Variants in FDXACB1 observed in about 807,000 individuals in gnomAD.
The protein encoded by FDXACB1 is ferredoxin-fold anticodon binding domain containing 1.
In FDXACB1, 41 loss-of-function variants were observed where a neutral mutation model predicts 51.7. That is an observed-to-expected ratio of 0.79 (90% confidence interval 0.62 to 1.03). FDXACB1 has a LOEUF of 1.03. Ranked by LOEUF, FDXACB1 falls within the 50% of genes least tolerant of loss-of-function variation. The pLI, the probability that FDXACB1 is intolerant of heterozygous loss-of-function variation, is 0.00. For missense variants in FDXACB1, 697 were observed against 746.4 expected, an observed-to-expected ratio of 0.93 and a Z score of 0.77; for synonymous variants, 273 against 278.6, an observed-to-expected ratio of 0.98 and a Z score of 0.20.
intron 2 of FDXACB1, among the ~76,000 whole-genome samples, chr11:111,877,312 T>C (rs1010582193): frequency 9.2e-5 from 14 of 152,222 alleles, no homozygotes; most frequent in African/African-American, 3.4e-4. Flanking sequence ...TATGATTCAT[T>C]GCTTAGGCTG....
rs1555161950 is a variant in FDXACB1 at position 111,875,481 on chromosome 11, A to G, written c.1316T>C (p.Phe439Ser). The change falls in exon 5 of 5, where the codon TTT becomes TCT. Residue 439 changes from phenylalanine (F) to serine (S), a missense_variant. By Grantham distance (155) the Phe-to-Ser change is radical (BLOSUM62 -2). This residue lies in a region of FDXACB1 where 538 missense variants were observed against 592.2 expected (regional missense o/e 0.91). Transcript: ENST00000260257. Reference protein sequence around the residue: ...ESSKLSSLVKFVLQSNGKDYM... With the variant: ...ESSKLSSLVKSVLQSNGKDYM... ...ATCCTTTCCATTTGACTGAAGGACA[A>G]ATTTGACTAAACTGCTCAGCTTAGA... 1 of 1,612,630 alleles carries G rather than the reference A, an allele frequency of 6.2e-7. No homozygotes were observed.
Position 111,875,187 on chromosome 11 carries a change from A to C in FDXACB1, c.1610T>G (p.Val537Gly). The change falls in exon 5 of 5, where the codon GTG becomes GGG. Residue 537 changes from valine (V) to glycine (G), a missense_variant. Transcript: ENST00000260257. ...KSHSLYPPCY[V>G]HDVSFWIDQK... ...ATCTATCCAAAAACTAACATCATGCACATAACATGGAGGATACAGAGAATG... is the reference window on the plus strand; with the variant it reads ...ATCTATCCAAAAACTAACATCATGCCCATAACATGGAGGATACAGAGAATG... 2 of 1,613,878 alleles carry C rather than the reference A, an allele frequency of 1.2e-6. No individual in the cohort carries two copies. Among genetic ancestry groups the C allele is most frequent in the Non-Finnish European group, 1.7e-6 (2 of 1,179,892 alleles).
chr11:111,879,164 G>A lies in FDXACB1; in HGVS notation c.-32C>T. 6.3e-7 allele frequency: 1 copy of A among 1,585,408 alleles called. No homozygotes were observed. Among genetic ancestry groups the A allele is most frequent in the South Asian group, 1.1e-5 (1 of 89,710 alleles). On this transcript the variant is annotated 5_prime_UTR_variant, in exon 1 of 5. Coordinates refer to ENST00000260257, the MANE Select transcript of FDXACB1 (RefSeq NM_138378.3). ...CACGGACTCCCGGCTCGCGTTCTCT[G>A]TGGCGCTCGTTTTACGTCACTTCCT...
intron 2 of FDXACB1, 79 bp from the exon 3 acceptor site, chr11:111,877,090 G>T: frequency 1.5e-6 from 2 of 1,358,764 alleles, no homozygotes; most frequent in African/African-American, 1.5e-5. Context: ...CATACACATG[G>T]TTTGCCTGTG....
At chr11:111,878,060 G>A (rs913819373) in intron 2 of FDXACB1, among the ~76,000 whole-genome samples, 1 of 151,988 alleles carries the variant, frequency 6.6e-6, no homozygotes, top group Non-Finnish European at 1.5e-5. Context: ...GGTGGCGGGC[G>A]CCTGTACTCC....
chr11:111,875,901 T>A lies in FDXACB1; in HGVS notation c.896A>T (p.Asn299Ile). The A allele has an allele frequency of 6.2e-7, 1 of 1,613,912 alleles. No homozygotes were observed. Among genetic ancestry groups the A allele is most frequent in the Non-Finnish European group, 8.5e-7 (1 of 1,179,898 alleles). Residue 299 changes from asparagine (N) to isoleucine (I), a missense_variant, in exon 5 of 5, where the codon AAT becomes ATT. Asn to Ile is a moderately radical substitution (Grantham distance 149). Around this residue, in one of 3 missense-constraint regions of FDXACB1, gnomAD observed 538 missense variants for 592.2 expected, o/e 0.91. Coordinates refer to ENST00000260257, the MANE Select transcript of FDXACB1 (RefSeq NM_138378.3). ...TGTCCCACCAGTCAGGGACTCAGAA[T>A]TTGAGTTATCTTCATGGAGACTAAT... ...FWISLHEDNS[N>I]SESLTGGTSQ...
rs1417812912 is a variant in FDXACB1, at chr11:111,874,430, G to A, written c.*492C>T. 6.4e-6 allele frequency: 1 copy of A among 155,192 alleles called. No individual in the cohort carries two copies. Among genetic ancestry groups the A allele is most frequent in the Admixed American group, 6.3e-5 (1 of 15,880 alleles). The allele number at this position is 155,192 out of a possible 1,614,324, so 9.6% of individuals were successfully genotyped here. A position where few individuals can be genotyped will look rare whatever the true frequency, so the allele number is the denominator to read the frequency against. The stretch of plus-strand genomic sequence containing the variant: ...ATCACATTATAATCTATAAGTTTCA[G>A]TAATAGAGTCAAGGTATCTTTAAGA... On this transcript the variant is annotated 3_prime_UTR_variant, in exon 5 of 5. Coordinates refer to ENST00000260257, the MANE Select transcript of FDXACB1 (RefSeq NM_138378.3).
chr11:111,878,505 A>T (rs1964870192), intron 2 of FDXACB1, 51 bp downstream of exon 2: 33 of 1,516,092 alleles, frequency 2.2e-5, no homozygotes, highest in Non-Finnish European at 2.8e-5. Flanking sequence ...TACAGTAACT[A>T]TGTTATGGAC....
chr11:111,876,153 A>C (rs1592489330), intron 4 of FDXACB1, 49 bp from the exon 5 acceptor site: 1 of 1,373,226 alleles, frequency 7.3e-7, no homozygotes, highest in Non-Finnish European at 1.0e-6. Context: ...GATAGTAAAT[A>C]ATTATAATGT....
intron 2 of FDXACB1, among the ~76,000 whole-genome samples, chr11:111,877,895 TAAC>T (rs1362270446): frequency 6.6e-5 from 10 of 151,192 alleles, no homozygotes; most frequent in Non-Finnish European, 1.3e-4. Context: ...TTGCTTAAAA[TAAC>T]AACTGTTGGC....
intron 1 of FDXACB1, 87 bp from the exon 2 acceptor site, chr11:111,878,799 T>G (rs1172514549): frequency 3.9e-6 from 6 of 1,521,898 alleles, no homozygotes; most frequent in African/African-American, 1.4e-5. Context: ...ACTTAAACCG[T>G]GCAGACCAGC....
chr11:111,876,374 C>G, intron 4 of FDXACB1, 107 bp downstream of exon 4: 1 of 1,321,246 alleles, frequency 7.6e-7, no homozygotes, highest in Non-Finnish European at 1.0e-6. Flanking sequence ...AACATAGCAC[C>G]AACATCACTA....
intron 2 of FDXACB1, 90 bp downstream of exon 2, chr11:111,878,466 G>A: frequency 7.3e-7 from 1 of 1,376,834 alleles, no homozygotes. Flanking sequence ...ACATATCATA[G>A]TAGCTTGCAC....
rs1555162253 is a variant in FDXACB1 at position 111,876,911 on chromosome 11, T to G, written c.430A>C (p.Ser144Arg). ...GCTGCCATGGCAACCACTTGCCAACTGTTGTGCCATTCTCTCTGGGGCTTA... is the reference window on the plus strand; with the variant it reads ...GCTGCCATGGCAACCACTTGCCAACGGTTGTGCCATTCTCTCTGGGGCTTA... ...ADKPQREWHN[S>R]WQVVAMAALG... is the part of the protein sequence containing the mutation. Residue 144 changes from serine (S) to arginine (R), a missense_variant, in exon 3 of 5, where the codon AGT becomes CGT. Around this residue, in one of 3 missense-constraint regions of FDXACB1, gnomAD observed 538 missense variants for 592.2 expected, o/e 0.91. Coordinates refer to ENST00000260257, the MANE Select transcript of FDXACB1 (RefSeq NM_138378.3). 1 of 1,613,064 alleles carries G rather than the reference T, an allele frequency of 6.2e-7. No homozygotes were observed. The highest frequency in any genetic ancestry group is 1.7e-5 in the Admixed American group (1 of 59,832).
rs782502313 is a variant in FDXACB1, at chr11:111,876,882, C to G, written c.459G>C (p.Leu153=). ...NSWQVVAMAA[L]GGLILSDVYP... ...ACACGTCGCTTAAAATGAGCCCCCCCAGGGCTGCCATGGCAACCACTTGCC... is the reference window on the plus strand; with the variant it reads ...ACACGTCGCTTAAAATGAGCCCCCCGAGGGCTGCCATGGCAACCACTTGCC... The change falls in exon 3 of 5, where the codon CTG becomes CTC. Residue 153 remains leucine, a synonymous_variant. Coordinates refer to ENST00000260257, the MANE Select transcript of FDXACB1 (RefSeq NM_138378.3). 37 of 1,613,574 alleles carry G rather than the reference C, an allele frequency of 2.3e-5. No homozygotes were observed. The highest frequency in any genetic ancestry group is 2.7e-5 in the Non-Finnish European group (32 of 1,179,754).
At position 111,878,678 on chromosome 11, in the gene FDXACB1, C is replaced by T. The variant is rs782540608; in HGVS notation, c.207G>A (p.Gln69=). The T allele has an allele frequency of 2.0e-5, 32 of 1,612,098 alleles. No homozygotes were observed. Among genetic ancestry groups the T allele is most frequent in the Non-Finnish European group, 2.5e-5 (30 of 1,179,082 alleles). ...IDVRFGVDCT[Q]LADVFELHER... ...CGTGCAGTTCAAAGACATCTGCCAG[C>T]TGGGTGCAGTCCACACCGAAACGTA... The change falls in exon 2 of 5, where the codon CAG becomes CAA. Residue 69 remains glutamine, a synonymous_variant. Transcript: ENST00000260257.
At chr11:111,878,482 C>T (rs1341580739) in intron 2 of FDXACB1, 74 bp downstream of exon 2, 4 of 1,451,662 alleles carry the variant, frequency 2.8e-6, no homozygotes, top group Non-Finnish European at 3.7e-6. Flanking sequence ...TGCACGTGTG[C>T]CTTATGTTTG....
chr11:111,876,682 TAAGC>T (rs781902671), intron 3 of FDXACB1, 43 bp from the exon 4 acceptor site: 5 of 1,597,726 alleles, frequency 3.1e-6, no homozygotes, highest in Non-Finnish European at 3.4e-6. Context: ...ATTATTAAAA[TAAGC>T]AAGTATTTTT....
At position 111,876,507 on chromosome 11, in the gene FDXACB1, T is replaced by C; in HGVS notation, c.666A>G (p.Pro222=). The change falls in exon 4 of 5, where the codon CCA becomes CCG. Residue 222 remains proline, a synonymous_variant. Transcript: ENST00000260257. ...TGTTCAACTTTCCTACAAGTGCTTC[T>C]GGTTCTGGAAAGGAAAACCACTGGT... is the stretch of plus-strand genomic sequence containing the variant. ...LGNQWFSFPE[P]EALVGKLNRG... 1.2e-6 allele frequency: 2 copies of C among 1,613,772 alleles called. No homozygotes were observed. Among genetic ancestry groups the C allele is most frequent in the Non-Finnish European group, 1.7e-6 (2 of 1,179,820 alleles).
Sources: allele counts gnomAD v4.1 joint callset (sites outside exome capture counted in the v4.1 genomes callset), GRCh38; gene constraint gnomAD v4.1.1; regional missense constraint gnomAD v4.1.1; transcripts MANE v1.5; gene names NCBI Gene and HGNC (gene_info 2026-07-23, HGNC 2026-07-21).